The following CNTNAP5 variants were observed in gnomAD, a reference collection of about 807,000 sequenced individuals.
CNTNAP5 encodes the protein contactin associated protein family member 5, also known as contactin-associated protein-like 5.
A neutral mutation model predicts 150.2 loss-of-function variants in CNTNAP5; 72 were observed. The ratio of observed to expected loss-of-function variants is 0.48; its 90% CI spans 0.40 to 0.58. The LOEUF (loss-of-function observed/expected upper bound fraction) is 0.58. Among genes scored for constraint, CNTNAP5 ranks in the 20% least tolerant of loss-of-function variants. CNTNAP5 has a pLI of 0.00. For missense variants in CNTNAP5, 1,636 were observed against 1,626.2 expected, an observed-to-expected ratio of 1.01 and a Z score of -0.10; for synonymous variants, 672 against 619.8, an observed-to-expected ratio of 1.08 and a Z score of -1.25.
In CNTNAP5 at chr2:124,699,132, C is replaced by T. The variant is rs554465896; in HGVS notation, c.2078-48097C>T. Among the ~76,000 whole-genome samples, 14 of 152,230 alleles carry T rather than the reference C, an allele frequency of 9.2e-5. No individual in the cohort carries two copies. In the East Asian group the frequency reaches 2.7e-3, roughly 29 times the overall value. ...CTGTATAGTGAGAGAGAGGGAGAAG[C>T]CAGGAAGGAAGTTGATTTAAGCAGC... On this transcript the variant is annotated intron_variant, in intron 13 of 23. Transcript: ENST00000682447.
chr2:124,475,127 G>A (rs1439617418), intron 7 of CNTNAP5, among the ~76,000 whole-genome samples: 3 of 151,782 alleles, frequency 2.0e-5, no homozygotes, highest in Non-Finnish European at 4.4e-5. Context: ...TTGACTGTGG[G>A]TCATATTTCA....
intron 7 of CNTNAP5, among the ~76,000 whole-genome samples, chr2:124,476,123 A>G (rs140433240): frequency 1.3e-5 from 2 of 152,218 alleles, no homozygotes; most frequent in African/African-American, 4.8e-5. Flanking sequence ...TTTAGCTGAT[A>G]TGTAGAAACC....
At chr2:124,833,153 G>T (rs192322811) in intron 19 of CNTNAP5, among the ~76,000 whole-genome samples, 21 of 152,174 alleles carry the variant, frequency 1.4e-4, no homozygotes, top group African/African-American at 4.8e-4. Flanking sequence ...CAAGAGATCT[G>T]CCTTCCTTGG....
At chr2:124,307,663 C>T (rs536152203) in intron 3 of CNTNAP5, among the ~76,000 whole-genome samples, 23 of 152,260 alleles carry the variant, frequency 1.5e-4, no homozygotes, top group Non-Finnish European at 2.8e-4. Flanking sequence ...CAAGTTCTTG[C>T]TTTGGGGGCT....
chr2:124,251,885 G>C (rs1687187267), intron 3 of CNTNAP5, among the ~76,000 whole-genome samples: 1 of 152,160 alleles, frequency 6.6e-6, no homozygotes, highest in Non-Finnish European at 1.5e-5. Flanking sequence ...AAACAGAGTA[G>C]AAAGAACTGA....
intron 3 of CNTNAP5, among the ~76,000 whole-genome samples, chr2:124,247,531 A>G (rs1358078519): frequency 6.6e-6 from 1 of 152,140 alleles, no homozygotes; most frequent in Non-Finnish European, 1.5e-5. Context: ...TATTTAAGTT[A>G]TGTTGGCTTG....
At position 124,256,180 on chromosome 2, in the gene CNTNAP5, T is replaced by TA. The variant is rs930256696; in HGVS notation, c.381+13795dup. Among the ~76,000 whole-genome samples the TA allele has an allele frequency of 6.6e-5, 10 of 152,034 alleles. No individual in the cohort carries two copies. The South Asian group carries it at 8.3e-4, about 13-fold the overall frequency. On this transcript the variant is annotated intron_variant, in intron 3 of 23. Coordinates refer to ENST00000682447, the MANE Select transcript of CNTNAP5 (RefSeq NM_001367498.1). Reference sequence around the variant, plus strand: ...TTATTAATTGAGCCACTTGTCAATATAAAAAAAACCTTCGTTCGGATAATA... The same window carrying TA: ...TTATTAATTGAGCCACTTGTCAATATAAAAAAAAACCTTCGTTCGGATAATA...
intron 1 of CNTNAP5, among the ~76,000 whole-genome samples, chr2:124,047,322 A>T (rs1487545926): frequency 1.3e-5 from 2 of 152,252 alleles, no homozygotes; most frequent in African/African-American, 2.4e-5. Flanking sequence ...TTCAAGTCAG[A>T]AGGTCAGTGT....
chr2:124,316,204 T>C (rs1688955292), intron 3 of CNTNAP5, among the ~76,000 whole-genome samples: 1 of 152,308 alleles, frequency 6.6e-6, no homozygotes, highest in South Asian at 2.1e-4. Flanking sequence ...TCACCATGCC[T>C]GCAGACCACA....
chr2:124,608,710 G>A (rs1677306555), intron 11 of CNTNAP5, among the ~76,000 whole-genome samples: 1 of 152,162 alleles, frequency 6.6e-6, no homozygotes, highest in Non-Finnish European at 1.5e-5. Flanking sequence ...ACTTTGGGAG[G>A]CTGAGGTGGG....
Position 124,221,760 on chromosome 2 carries a change from C to T in CNTNAP5, c.138C>T (p.Ser46=), listed in dbSNP as rs1408983202. Residue 46 remains serine (S), a synonymous_variant, in exon 2 of 24, where the codon TCC becomes TCT. Transcript: ENST00000682447. ...SLLSPMAFSS[S]SDLTGTHSPA... is the part of the protein sequence containing the mutation. ...TCTCTCCAATGGCTTTTTCCAGTTC[C>T]TCAGACCTCACTGGCACTCACAGCC... The T allele has an allele frequency of 1.2e-6, 2 of 1,611,602 alleles. No homozygotes were observed. The highest frequency in any genetic ancestry group is 2.7e-5 in the African/African-American group (2 of 74,822).
chr2:124,867,982 A>T (rs1219070728), intron 20 of CNTNAP5, among the ~76,000 whole-genome samples: 1 of 152,182 alleles, frequency 6.6e-6, no homozygotes, highest in Non-Finnish European at 1.5e-5. Flanking sequence ...TTTCAAGTCC[A>T]TAGTTTCAAA....
chr2:124,906,240 A>G (rs1678534626), intron 22 of CNTNAP5, among the ~76,000 whole-genome samples: 1 of 152,126 alleles, frequency 6.6e-6, no homozygotes, highest in Admixed American at 6.6e-5. Context: ...GTGAGGGAGT[A>G]TTATCAGATT....
intron 10 of CNTNAP5, among the ~76,000 whole-genome samples, chr2:124,553,663 G>C (rs1039362635): frequency 1.3e-5 from 2 of 152,188 alleles, no homozygotes; most frequent in Non-Finnish European, 2.9e-5. Context: ...TGAGTAAACA[G>C]ATTTATCAAA....
chr2:124,123,415 C>G (rs541840706), intron 1 of CNTNAP5, among the ~76,000 whole-genome samples: 5 of 152,160 alleles, frequency 3.3e-5, no homozygotes, highest in Admixed American at 2.6e-4. Flanking sequence ...AAAGCTTGAA[C>G]TGGGTGGAGT....
At chr2:124,587,307 A>G (rs191563587) in intron 11 of CNTNAP5, among the ~76,000 whole-genome samples, 1 of 152,234 alleles carries the variant, frequency 6.6e-6, no homozygotes, top group East Asian at 1.9e-4. Context: ...GAGTCTTTGG[A>G]TAATTTGAAA....
In CNTNAP5 at chr2:124,371,564, G is replaced by A. The variant is rs543086043; in HGVS notation, c.382-45879G>A. Among the ~76,000 whole-genome samples, 14 of 152,154 alleles carry A rather than the reference G, an allele frequency of 9.2e-5. No individual in the cohort carries two copies. In the South Asian group the frequency reaches 2.3e-3, roughly 25 times the overall value. ...CTTATAGAGTTTAGTGTGCTAATAGGCTTTATGAGTCTTCTCCAAACAGAT... is the reference window on the plus strand; with the variant it reads ...CTTATAGAGTTTAGTGTGCTAATAGACTTTATGAGTCTTCTCCAAACAGAT... On this transcript the variant is annotated intron_variant, in intron 3 of 23. Coordinates refer to ENST00000682447, the MANE Select transcript of CNTNAP5 (RefSeq NM_001367498.1).
At chr2:124,632,566 A>G (rs1369655270) in intron 12 of CNTNAP5, among the ~76,000 whole-genome samples, 1 of 151,020 alleles carries the variant, frequency 6.6e-6, no homozygotes, top group African/African-American at 2.4e-5. Flanking sequence ...GAGGTGGGGG[A>G]GGGGAGTGCA....
chr2:124,082,575 G>A (rs1298586643), intron 1 of CNTNAP5, among the ~76,000 whole-genome samples: 1 of 152,050 alleles, frequency 6.6e-6, no homozygotes, highest in Non-Finnish European at 1.5e-5. Context: ...ATAATACATT[G>A]TTTCCAGTTT....
Sources: gnomAD v4.1 joint callset for allele counts (sites outside exome capture counted in the v4.1 genomes callset) on GRCh38, gnomAD v4.1.1 for gene constraint, MANE v1.5 for transcripts, NCBI Gene and HGNC (gene_info 2026-07-23, HGNC 2026-07-21) for gene names.